MYO3A: variants seen among roughly 807,000 people sequenced by gnomAD.
MYO3A encodes myosin IIIA.
A neutral mutation model predicts 192.7 loss-of-function variants in MYO3A; 180 were observed. That is an observed-to-expected ratio of 0.93 (90% CI 0.83 to 1.06). The LOEUF (loss-of-function observed/expected upper bound fraction) is 1.06. MYO3A is among the 50% of genes least tolerant of loss of function. The pLI is 0.00. For missense variants in MYO3A, 1,896 were observed against 1,905.0 expected, an observed-to-expected ratio of 1.00 and a Z score of 0.09; for synonymous variants, 628 against 645.3, an observed-to-expected ratio of 0.97 and a Z score of 0.41.
At chr10:25,934,422 C>T (rs986746396) in intron 1 of MYO3A, 94 bp downstream of exon 1, 3 of 152,306 alleles carry the variant, frequency 2.0e-5, no homozygotes, top group African/African-American at 7.2e-5. Flanking sequence ...CCTTGGACCC[C>T]GGGGCTTGCA....
intron 10 of MYO3A, among the ~76,000 whole-genome samples, chr10:26,038,794 C>T (rs182804674): frequency 2.0e-5 from 3 of 152,184 alleles, no homozygotes; most frequent in East Asian, 3.9e-4. Flanking sequence ...TTCCCCATTC[C>T]GTATGATAGT....
At chr10:26,060,194 G>C (rs1395752868) in intron 10 of MYO3A, among the ~76,000 whole-genome samples, 1 of 152,116 alleles carries the variant, frequency 6.6e-6, no homozygotes, top group Non-Finnish European at 1.5e-5. Context: ...GGGAGGCAGA[G>C]GTTGTGGTGA....
chr10:26,121,068 A>G (rs564025696), intron 18 of MYO3A, among the ~76,000 whole-genome samples: 1 of 152,172 alleles, frequency 6.6e-6, no homozygotes, highest in South Asian at 2.1e-4. Flanking sequence ...TCGATATAAA[A>G]GCACAGATAG....
At chr10:26,204,747 T>C (rs1843832623) in intron 34 of MYO3A, among the ~76,000 whole-genome samples, 1 of 152,196 alleles carries the variant, frequency 6.6e-6, no homozygotes, top group Non-Finnish European at 1.5e-5. Flanking sequence ...ATGCTGGGCA[T>C]TTGAAGAAGG....
At chr10:26,182,977 A>C (rs1842681206) in intron 31 of MYO3A, among the ~76,000 whole-genome samples, 1 of 152,108 alleles carries the variant, frequency 6.6e-6, no homozygotes, top group African/African-American at 2.4e-5. Context: ...TGTGTAATCT[A>C]ACTCCTTGGA....
chr10:26,006,773 T>A (rs1034770384), intron 6 of MYO3A, among the ~76,000 whole-genome samples: 2 of 151,168 alleles, frequency 1.3e-5, no homozygotes, highest in African/African-American at 2.4e-5. Context: ...CAGGACCAGA[T>A]GGATTCACAG....
rs186388856 is a variant in MYO3A, at chr10:26,100,058, G to A, written c.1776+3376G>A. On this transcript the variant is annotated intron_variant, in intron 17 of 34. Coordinates refer to ENST00000642920, the MANE Select transcript of MYO3A (RefSeq NM_017433.5). Reference sequence around the variant, plus strand: ...TCTGGTCCTGGACTTTTTTTGATTCGTAGGCTATTAATTATTGCCTCAATT... The same window carrying A: ...TCTGGTCCTGGACTTTTTTTGATTCATAGGCTATTAATTATTGCCTCAATT... Among the ~76,000 whole-genome samples the A allele has an allele frequency of 5.5e-4, 84 of 152,176 alleles. No homozygotes were observed. The Middle Eastern group carries it at 0.027, about 49-fold the overall frequency.
intron 28 of MYO3A, among the ~76,000 whole-genome samples, chr10:26,170,036 A>C (rs770114673): frequency 2.6e-5 from 4 of 152,242 alleles, no homozygotes; most frequent in Admixed American, 6.5e-5. Flanking sequence ...AATTAATCTG[A>C]ATTCTCAAAT....
intron 10 of MYO3A, among the ~76,000 whole-genome samples, chr10:26,042,619 A>T (rs916361653): frequency 1.3e-5 from 2 of 152,120 alleles, no homozygotes; most frequent in African/African-American, 4.8e-5. Flanking sequence ...CTATATGTCA[A>T]TTGCATTTTT....
intron 31 of MYO3A, among the ~76,000 whole-genome samples, chr10:26,179,721 T>C (rs1842525673): frequency 6.6e-6 from 1 of 152,184 alleles, no homozygotes; most frequent in South Asian, 2.1e-4. Flanking sequence ...TGTGATTTGT[T>C]TGAGAAAAAA....
chr10:25,952,058 A>G (rs1391688517), intron 2 of MYO3A, 36 bp from the exon 3 acceptor site: 4 of 1,505,284 alleles, frequency 2.7e-6, no homozygotes, highest in Admixed American at 1.7e-5. Context: ...GATATCCTCA[A>G]TCAACTGTAG....
chr10:26,181,692 C>T (rs1335585322), intron 31 of MYO3A, among the ~76,000 whole-genome samples: 1 of 149,076 alleles, frequency 6.7e-6, no homozygotes, highest in East Asian at 2.0e-4. Flanking sequence ...ACAGTAATAA[C>T]AAAGTGCTAA....
At chr10:26,134,730 G>A (rs1839749388) in intron 20 of MYO3A, among the ~76,000 whole-genome samples, 2 of 151,910 alleles carry the variant, frequency 1.3e-5, no homozygotes, top group Non-Finnish European at 2.9e-5. Context: ...CTGAGTTATG[G>A]TAGCACCCTT....
chr10:25,979,870 G>C (rs893016418), intron 4 of MYO3A, among the ~76,000 whole-genome samples: 1 of 152,138 alleles, frequency 6.6e-6, no homozygotes, highest in Non-Finnish European at 1.5e-5. Context: ...AGCCTTGACA[G>C]TAAAACATAT....
intron 4 of MYO3A, among the ~76,000 whole-genome samples, chr10:25,987,763 A>G (rs1428170943): frequency 2.6e-5 from 4 of 151,626 alleles, no homozygotes; most frequent in African/African-American, 9.7e-5. Context: ...CATCAACACC[A>G]CTATGGAACC....
chr10:25,996,871 G>A (rs1035868027), intron 5 of MYO3A, among the ~76,000 whole-genome samples: 1 of 152,020 alleles, frequency 6.6e-6, no homozygotes, highest in African/African-American at 2.4e-5. Context: ...GGGTTTTTTG[G>A]CCATTATCTT....
intron 20 of MYO3A, among the ~76,000 whole-genome samples, chr10:26,139,359 C>T (rs1472763836): frequency 6.6e-6 from 1 of 151,740 alleles, no homozygotes; most frequent in African/African-American, 2.4e-5. Context: ...TCTTTCTCAG[C>T]CTCCCAAGTA....
intron 25 of MYO3A, among the ~76,000 whole-genome samples, chr10:26,155,826 T>C (rs997683976): frequency 6.6e-5 from 10 of 152,218 alleles, no homozygotes; most frequent in Non-Finnish European, 1.0e-4. Flanking sequence ...GTTTCCTTTT[T>C]TTAAGTGAGT....
intron 17 of MYO3A, among the ~76,000 whole-genome samples, chr10:26,106,944 A>G (rs1316338152): frequency 6.6e-6 from 1 of 151,306 alleles, no homozygotes; most frequent in African/African-American, 2.4e-5. Context: ...TTTCTTTTAT[A>G]TCAGATTTGA....
Sources: gnomAD v4.1 joint callset for allele counts (sites outside exome capture counted in the v4.1 genomes callset) on GRCh38, gnomAD v4.1.1 for gene constraint, MANE v1.5 for transcripts, NCBI Gene and HGNC (gene_info 2026-07-23, HGNC 2026-07-21) for gene names.